Variants in SLAMF1 observed in about 807,000 individuals in gnomAD.
SLAMF1 encodes the protein signaling lymphocytic activation molecule.
Under a neutral mutation model 35.1 loss-of-function variants are expected in SLAMF1, and 18 were observed. The ratio of observed to expected loss-of-function variants is 0.51; its 90% CI spans 0.35 to 0.76. The LOEUF is 0.76. Ranked by LOEUF, SLAMF1 falls within the 30% of genes least tolerant of loss-of-function variation. The probability of loss-of-function intolerance (pLI) is 0.01; values close to 1 mark genes in which losing one functional copy is unlikely to be tolerated. For synonymous variants in SLAMF1, 168 were observed against 157.2 expected (o/e 1.07, Z -0.51); for missense variants, 392 against 413.0 (o/e 0.95, Z 0.44).
At chr1:160,645,554 G>C (rs1482836312) in intron 1 of SLAMF1, among the ~76,000 whole-genome samples, 1 of 152,184 alleles carries the variant, frequency 6.6e-6, no homozygotes, top group Non-Finnish European at 1.5e-5. Flanking sequence ...GAAAAGTCCA[G>C]TTCACAGTTC....
chr1:160,624,983 T>C (rs1659804534), intron 3 of SLAMF1, among the ~76,000 whole-genome samples: 1 of 152,244 alleles, frequency 6.6e-6, no homozygotes, highest in African/African-American at 2.4e-5. Flanking sequence ...TTTTAGTGCA[T>C]CATGTGTACT....
chr1:160,641,412 G>GT (rs1558016439), intron 1 of SLAMF1, among the ~76,000 whole-genome samples: 2 of 151,996 alleles, frequency 1.3e-5, no homozygotes, highest in South Asian at 4.2e-4. Flanking sequence ...AGAACTTGGA[G>GT]TTGATTGGGG....
chr1:160,630,091 CA>C (rs1660088521), intron 3 of SLAMF1, among the ~76,000 whole-genome samples: 1 of 152,188 alleles, frequency 6.6e-6, no homozygotes, highest in Non-Finnish European at 1.5e-5. Context: ...GATGAGCTTC[CA>C]GGGGCATTCC....
At chr1:160,640,359 T>TATATATACAC (rs1361053277) in intron 1 of SLAMF1, among the ~76,000 whole-genome samples, 58 of 122,442 alleles carry the variant, frequency 4.7e-4, no homozygotes, top group African/African-American at 1.6e-3. Context: ...TATATATATA[T>TATATATACAC]ACACACACAC....
In SLAMF1 at chr1:160,615,361, C is replaced by T. The variant is rs1009535484; in HGVS notation, c.865-2781G>A. 2.0e-5 allele frequency among the ~76,000 whole-genome samples: 3 copies of T among 151,950 alleles called. No homozygotes were observed. The East Asian group carries it at 5.8e-4, about 29-fold the overall frequency. On this transcript the variant is annotated intron_variant, in intron 5 of 6. Coordinates refer to ENST00000302035, the MANE Select transcript of SLAMF1 (RefSeq NM_003037.5). Reference sequence around the variant, plus strand: ...AAGTATTATGCAGGAGGGAAGTAAACCTTAGACTTTGGTAAGTCAAAGTTG... The same window carrying T: ...AAGTATTATGCAGGAGGGAAGTAAATCTTAGACTTTGGTAAGTCAAAGTTG...
At chr1:160,627,569 C>A (rs1397709149) in intron 3 of SLAMF1, among the ~76,000 whole-genome samples, 1 of 152,180 alleles carries the variant, frequency 6.6e-6, no homozygotes, top group Non-Finnish European at 1.5e-5. Flanking sequence ...ATACTTGGTG[C>A]TCATCCATTT....
intron 5 of SLAMF1, among the ~76,000 whole-genome samples, chr1:160,617,507 A>G (rs1487854043): frequency 1.3e-5 from 2 of 152,234 alleles, no homozygotes; most frequent in Non-Finnish European, 2.9e-5. Flanking sequence ...AGAATGCATT[A>G]TATCTAAATT....
chr1:160,638,846 C>T (rs564829680), intron 1 of SLAMF1, among the ~76,000 whole-genome samples: 8 of 152,310 alleles, frequency 5.3e-5, no homozygotes, highest in South Asian at 2.1e-4. Context: ...CATACTCTCC[C>T]GGTTTTTCTC....
At chr1:160,617,482 A>G (rs1399490165) in intron 5 of SLAMF1, among the ~76,000 whole-genome samples, 1 of 152,240 alleles carries the variant, frequency 6.6e-6, no homozygotes, top group Non-Finnish European at 1.5e-5. Flanking sequence ...TTTATATTCT[A>G]TGAAGCAATG....
Position 160,647,037 on chromosome 1 carries a change from G to GAA in SLAMF1, c.-93_-92insTT. 1 of 705,822 alleles carries GAA rather than the reference G, an allele frequency of 1.4e-6. No homozygotes were observed. 43.7% of individuals were successfully genotyped at this position (705,822 alleles called of 1,614,324 possible). A position where few individuals can be genotyped will look rare whatever the true frequency, so the allele number is the denominator to read the frequency against. ...AGCAAGCTTCGTGTCATGCAGCAGA[G>GAA]GCTGTCTGATTTATGTATCAGGAAC... On this transcript the variant is annotated 5_prime_UTR_variant, in exon 1 of 7. Transcript: ENST00000302035.
intron 1 of SLAMF1, among the ~76,000 whole-genome samples, chr1:160,643,150 T>C (rs1421350079): frequency 6.6e-6 from 1 of 152,100 alleles, no homozygotes. Flanking sequence ...TTTCCCTACC[T>C]ATAAAAGAGG....
At position 160,637,230 on chromosome 1, in the gene SLAMF1, C is replaced by T. The variant is rs1660498238; in HGVS notation, c.376G>A (p.Val126Ile). The part of the protein sequence containing the change: ...GWYLMTLEKN[V>I]SVQRFCLQLR... ...TGCAGGCAAAAGCGCTGAACTGAAA[C>T]ATTTTTCTCCAGGGTCATAAGGTAC... Residue 126 changes from valine (V) to isoleucine (I), a missense_variant, in exon 2 of 7, where the codon GTT (valine) becomes ATT (isoleucine). Coordinates refer to ENST00000302035, the MANE Select transcript of SLAMF1 (RefSeq NM_003037.5). 6.2e-7 allele frequency: 1 copy of T among 1,614,142 alleles called. No individual in the cohort carries two copies. Among genetic ancestry groups the T allele is most frequent in the Non-Finnish European group, 8.5e-7 (1 of 1,180,020 alleles).
At chr1:160,635,262 C>T (rs1255092601) in intron 2 of SLAMF1, among the ~76,000 whole-genome samples, 1 of 152,150 alleles carries the variant, frequency 6.6e-6, no homozygotes, top group African/African-American at 2.4e-5. Flanking sequence ...GTTGTTACTT[C>T]CTAGACCTAA....
intron 1 of SLAMF1, among the ~76,000 whole-genome samples, chr1:160,638,097 C>T (rs1455158202): frequency 1.3e-5 from 2 of 151,856 alleles, no homozygotes; most frequent in Non-Finnish European, 2.9e-5. Context: ...TTAATAATGT[C>T]GACAGTGAGA....
chr1:160,641,591 A>G (rs1184883176), intron 1 of SLAMF1, among the ~76,000 whole-genome samples: 1 of 152,224 alleles, frequency 6.6e-6, no homozygotes, highest in Non-Finnish European at 1.5e-5. Context: ...GAGTGGAACC[A>G]AAACTTCATC....
chr1:160,614,021 G>A (rs1403322700), intron 5 of SLAMF1, among the ~76,000 whole-genome samples: 2 of 152,184 alleles, frequency 1.3e-5, no homozygotes, highest in Non-Finnish European at 2.9e-5. Flanking sequence ...CGGAAGATCT[G>A]GAGCAGGGCC....
Position 160,610,050 on chromosome 1 carries a change from C to T in SLAMF1, c.*698G>A, listed in dbSNP as rs1557999040. On this transcript the variant is annotated 3_prime_UTR_variant, in exon 7 of 7. Coordinates refer to ENST00000302035, the MANE Select transcript of SLAMF1 (RefSeq NM_003037.5). ...TGAATGCCATTTGCACAGAACTGTA[C>T]TTTTAAGGCTCTTACATGGTTTCCA... The T allele has an allele frequency of 1.0e-5, 3 of 293,314 alleles. No homozygotes were observed. Among genetic ancestry groups the T allele is most frequent in the Non-Finnish European group, 1.3e-5 (2 of 148,884 alleles). The allele number at this position is 293,314 out of a possible 1,614,324, so 18.2% of individuals were successfully genotyped here. A position where few individuals can be genotyped will look rare whatever the true frequency, so the allele number is the denominator to read the frequency against.
chr1:160,643,042 G>A lies in SLAMF1; in HGVS notation c.76+3828C>T, dbSNP rs958043340. Among the ~76,000 whole-genome samples, 3 of 21,176 alleles carry A rather than the reference G, an allele frequency of 1.4e-4. No homozygotes were observed. The Non-Finnish European group carries it at 7.3e-3, about 51-fold the overall frequency. 13.9% of individuals were successfully genotyped at this position (21,176 alleles called of 152,430 possible). ...CTCACAGTAAATAGTAAATGCTTTG[G>A]CCCCCCACTTCCCCCTAGGATGATG... On this transcript the variant is annotated intron_variant, in intron 1 of 6. Coordinates refer to ENST00000302035, the MANE Select transcript of SLAMF1 (RefSeq NM_003037.5).
At chr1:160,636,454 G>C (rs898672389) in intron 2 of SLAMF1, among the ~76,000 whole-genome samples, 2 of 152,196 alleles carry the variant, frequency 1.3e-5, no homozygotes, top group Non-Finnish European at 1.5e-5. Flanking sequence ...TGGCTATCAG[G>C]ATCCCTGGGA....
Sources: gnomAD v4.1 joint callset for allele counts (sites outside exome capture counted in the v4.1 genomes callset) on GRCh38, gnomAD v4.1.1 for gene constraint, MANE v1.5 for transcripts, NCBI Gene and HGNC (gene_info 2026-07-23, HGNC 2026-07-21) for gene names.